Variants in GPR158 observed in about 807,000 individuals in gnomAD.
GPR158 encodes G protein-coupled receptor 158.
A neutral mutation model predicts 78.2 loss-of-function variants in GPR158; 30 were observed. The ratio of observed to expected loss-of-function variants is 0.38; its 90% confidence interval spans 0.29 to 0.52. GPR158 has a LOEUF of 0.52. GPR158 is among the 20% of genes least tolerant of loss of function. GPR158 has a pLI of 0.83. For synonymous variants in GPR158, 581 were observed against 591.1 expected (o/e 0.98, Z 0.25); for missense variants, 1,463 against 1,523.5 (o/e 0.96, Z 0.66).
At chr10:25,202,294 C>A (rs1286675533) in intron 1 of GPR158, among the ~76,000 whole-genome samples, 2 of 151,060 alleles carry the variant, frequency 1.3e-5, no homozygotes, top group African/African-American at 2.4e-5. Context: ...GGTACATGTG[C>A]ACAACATGCA....
chr10:25,256,899 G>A (rs1324861276), intron 2 of GPR158, among the ~76,000 whole-genome samples: 1 of 152,030 alleles, frequency 6.6e-6, no homozygotes, highest in East Asian at 1.9e-4. Context: ...GAAATTAACA[G>A]GATACGTTTA....
At chr10:25,368,161 C>G (rs1329270969) in intron 2 of GPR158, among the ~76,000 whole-genome samples, 1 of 151,854 alleles carries the variant, frequency 6.6e-6, no homozygotes, top group Admixed American at 6.6e-5. Flanking sequence ...TTTGATCCTG[C>G]CTTCCTTTTC....
intron 5 of GPR158, among the ~76,000 whole-genome samples, chr10:25,471,173 T>C (rs1398569564): frequency 6.8e-6 from 1 of 147,006 alleles, no homozygotes; most frequent in Non-Finnish European, 1.5e-5. Flanking sequence ...CTGTTCTCAT[T>C]GTTCAATTCC....
chr10:25,582,433 T>C (rs755202755), intron 7 of GPR158, among the ~76,000 whole-genome samples: 18 of 152,184 alleles, frequency 1.2e-4, no homozygotes, highest in Admixed American at 3.9e-4. Flanking sequence ...CCCTTTTTAC[T>C]TAAGATGCAA....
chr10:25,205,278 T>C (rs1853007729), intron 1 of GPR158, among the ~76,000 whole-genome samples: 2 of 151,336 alleles, frequency 1.3e-5, no homozygotes, highest in Non-Finnish European at 2.9e-5. Context: ...TCTTCTCTTT[T>C]TTTTTTTTTT....
At chr10:25,410,927 A>T (rs1834574659) in intron 3 of GPR158, among the ~76,000 whole-genome samples, 1 of 152,240 alleles carries the variant, frequency 6.6e-6, no homozygotes, top group Non-Finnish European at 1.5e-5. Context: ...ATAAGAGTTG[A>T]AAGAAACTAA....
chr10:25,209,809 G>T (rs890752538), intron 1 of GPR158, among the ~76,000 whole-genome samples: 2 of 152,138 alleles, frequency 1.3e-5, no homozygotes, highest in Admixed American at 1.3e-4. Flanking sequence ...TGCTAAGTAA[G>T]CAGCCACCAA....
At chr10:25,193,665 C>A (rs1053548770) in intron 1 of GPR158, among the ~76,000 whole-genome samples, 1 of 152,106 alleles carries the variant, frequency 6.6e-6, no homozygotes, top group Non-Finnish European at 1.5e-5. Context: ...TTCATCTTTT[C>A]CCCCTTTGGG....
chr10:25,260,701 AG>A (rs1418665611), intron 2 of GPR158, among the ~76,000 whole-genome samples: 1 of 152,024 alleles, frequency 6.6e-6, no homozygotes, highest in Non-Finnish European at 1.5e-5. Flanking sequence ...CTACCCTAAA[AG>A]GGGCTTAGGT....
intron 2 of GPR158, among the ~76,000 whole-genome samples, chr10:25,359,151 A>G (rs1855593304): frequency 1.3e-5 from 2 of 152,008 alleles, no homozygotes; most frequent in Non-Finnish European, 2.9e-5. Flanking sequence ...TTTTAAGTAC[A>G]TACATGTTAA....
At chr10:25,315,796 G>C (rs7071329) in intron 2 of GPR158, among the ~76,000 whole-genome samples, 78,002 of 151,776 alleles carry the variant, frequency 0.51, 24,783 homozygotes, top group Non-Finnish European at 0.72. Context: ...TTTAGACCCT[G>C]TTGTTAAAAC....
intron 4 of GPR158, among the ~76,000 whole-genome samples, chr10:25,456,456 C>T (rs1243607120): frequency 1.3e-5 from 2 of 152,186 alleles, no homozygotes; most frequent in Non-Finnish European, 2.9e-5. Flanking sequence ...CTTAACAGTT[C>T]TGAGAAATTC....
intron 1 of GPR158, among the ~76,000 whole-genome samples, chr10:25,210,439 G>T (rs1477136770): frequency 3.3e-5 from 5 of 152,156 alleles, no homozygotes; most frequent in Non-Finnish European, 7.3e-5. Context: ...ACTAAATATT[G>T]TAAGATTACT....
At chr10:25,333,181 C>T (rs2130494882) in intron 2 of GPR158, among the ~76,000 whole-genome samples, 1 of 152,180 alleles carries the variant, frequency 6.6e-6, no homozygotes, top group Non-Finnish European at 1.5e-5. Flanking sequence ...ATGACTTTTT[C>T]ATTTCCTGGA....
At chr10:25,257,896 T>C (rs745794891) in intron 2 of GPR158, among the ~76,000 whole-genome samples, 15 of 152,268 alleles carry the variant, frequency 9.9e-5, no homozygotes, top group Non-Finnish European at 2.1e-4. Flanking sequence ...TTAGGAAAAA[T>C]GAAGAGATGA....
In GPR158 at chr10:25,290,574, A is replaced by G. The variant is rs569539650; in HGVS notation, c.1008+69417A>G. Among the ~76,000 whole-genome samples, 8 of 152,278 alleles carry G rather than the reference A, an allele frequency of 5.3e-5. No homozygotes were observed. The East Asian group carries it at 1.5e-3, about 29-fold the overall frequency. On this transcript the variant is annotated intron_variant, in intron 2 of 10. Coordinates refer to ENST00000376351, the MANE Select transcript of GPR158 (RefSeq NM_020752.3). The stretch of plus-strand genomic sequence containing the variant: ...GCAGTAGAAAATGTCTGAGGAAGAA[A>G]TAGATCAATATTCAAGGTAATGATC...
chr10:25,387,779 G>A (rs1392228097), intron 2 of GPR158, among the ~76,000 whole-genome samples: 1 of 152,126 alleles, frequency 6.6e-6, no homozygotes, highest in Non-Finnish European at 1.5e-5. Flanking sequence ...CTCCCAAAGT[G>A]CTGTGATTAC....
intron 2 of GPR158, among the ~76,000 whole-genome samples, chr10:25,336,353 T>C (rs1443166199): frequency 6.6e-6 from 1 of 152,096 alleles, no homozygotes; most frequent in Non-Finnish European, 1.5e-5. Flanking sequence ...TCATTTACAT[T>C]CTTCTCCCTT....
At chr10:25,217,269 T>C (rs1464366381) in intron 1 of GPR158, among the ~76,000 whole-genome samples, 1 of 152,212 alleles carries the variant, frequency 6.6e-6, no homozygotes, top group Non-Finnish European at 1.5e-5. Flanking sequence ...AGGATTTTTT[T>C]AGTCTGGGTT....
Sources: allele counts gnomAD v4.1 joint callset (sites outside exome capture counted in the v4.1 genomes callset), GRCh38; gene constraint gnomAD v4.1.1; transcripts MANE v1.5; gene names NCBI Gene and HGNC (gene_info 2026-07-23, HGNC 2026-07-21).